CCDC102B: variants seen among roughly 807,000 people sequenced by gnomAD.
CCDC102B encodes coiled-coil domain-containing protein 102B.
CCDC102B carries 75 observed loss-of-function variants against 57.4 expected under a neutral mutation model. The ratio of observed to expected loss-of-function variants is 1.31; its 90% confidence interval spans 1.08 to 1.58. The LOEUF is 1.58. CCDC102B is among the 40% of genes most tolerant of loss of function. The probability of loss-of-function intolerance (pLI) is 0.00; values close to 1 mark genes in which losing one functional copy is unlikely to be tolerated. For missense variants in CCDC102B, 636 were observed against 582.6 expected, an observed-to-expected ratio of 1.09 and a Z score of -0.94; for synonymous variants, 206 against 201.9, an observed-to-expected ratio of 1.02 and a Z score of -0.17.
chr18:68,980,882 G>T (rs1023863939), intron 6 of CCDC102B, among the ~76,000 whole-genome samples: 1 of 152,004 alleles, frequency 6.6e-6, no homozygotes, highest in Non-Finnish European at 1.5e-5. Context: ...GAGATAAAGG[G>T]GGAGTATGGT....
intron 5 of CCDC102B, among the ~76,000 whole-genome samples, chr18:68,886,855 G>A (rs185533052): frequency 2.6e-5 from 4 of 151,576 alleles, no homozygotes; most frequent in Admixed American, 2.6e-4. Context: ...CATTTCAATG[G>A]ACCCCAGCAA....
chr18:69,052,101 C>T (rs1169555562), intron 7 of CCDC102B, among the ~76,000 whole-genome samples: 1 of 150,500 alleles, frequency 6.6e-6, no homozygotes, highest in Admixed American at 6.6e-5. Flanking sequence ...ACTCTTATGA[C>T]CAACAAAGGA....
rs116606961 is a variant in CCDC102B at position 68,802,013 on chromosome 18, A to G, written c.-16+3832A>G. ...ATGAGAAGAAAATGTATTTCACAAT[A>G]AAACATGAAAATTATAAGGTGCTCA... is the stretch of plus-strand genomic sequence containing the variant. On this transcript the variant is annotated intron_variant, in intron 1 of 7. Transcript: ENST00000360242. Among the ~76,000 whole-genome samples, 338 of 152,316 alleles carry G rather than the reference A, an allele frequency of 2.2e-3. 4 individuals are homozygous for G. The highest frequency in any genetic ancestry group is 7.7e-3 in the African/African-American group (321 of 41,570).
chr18:68,980,126 C>T (rs186231201), intron 6 of CCDC102B, among the ~76,000 whole-genome samples: 19 of 151,944 alleles, frequency 1.3e-4, no homozygotes, highest in African/African-American at 4.1e-4. Flanking sequence ...TCTTGCTTCC[C>T]GGTTGTATCT....
intron 6 of CCDC102B, among the ~76,000 whole-genome samples, chr18:68,921,433 A>G (rs1179688406): frequency 2.0e-5 from 3 of 152,206 alleles, no homozygotes; most frequent in South Asian, 2.1e-4. Flanking sequence ...AGTCACTGGA[A>G]CTGTCAGTGT....
chr18:69,034,707 A>C (rs1314702818), intron 7 of CCDC102B, among the ~76,000 whole-genome samples: 2 of 151,396 alleles, frequency 1.3e-5, no homozygotes, highest in Non-Finnish European at 1.5e-5. Flanking sequence ...ATATATGCAT[A>C]TATAATTATT....
intron 5 of CCDC102B, among the ~76,000 whole-genome samples, chr18:68,879,302 C>T (rs1047285810): frequency 2.6e-5 from 4 of 152,050 alleles, no homozygotes; most frequent in Non-Finnish European, 5.9e-5. Flanking sequence ...AGTGTAGACC[C>T]AAAGAGTGAG....
chr18:68,868,265 C>T (rs60895778), intron 4 of CCDC102B, among the ~76,000 whole-genome samples: 52,789 of 151,716 alleles, frequency 0.35, 9,983 homozygotes, highest in East Asian at 0.62. Flanking sequence ...AGCAAGAGAA[C>T]AAAAGACCAC....
intron 7 of CCDC102B, among the ~76,000 whole-genome samples, chr18:69,036,310 T>A (rs2052290417): frequency 6.6e-6 from 1 of 152,072 alleles, no homozygotes; most frequent in Admixed American, 6.6e-5. Flanking sequence ...GCCGAATCCT[T>A]GTTATATTAT....
chr18:68,969,635 A>G (rs759613556), intron 6 of CCDC102B, among the ~76,000 whole-genome samples: 3 of 152,040 alleles, frequency 2.0e-5, no homozygotes, highest in Non-Finnish European at 4.4e-5. Context: ...CATAGTGATA[A>G]AACATATGCC....
chr18:69,014,121 A>G (rs1213748422), intron 7 of CCDC102B, among the ~76,000 whole-genome samples: 1 of 152,168 alleles, frequency 6.6e-6, no homozygotes, highest in Non-Finnish European at 1.5e-5. Context: ...GTGAATATTG[A>G]CCTATGAAAT....
At chr18:68,790,709 A>C (rs947657828) in intron 2 of CCDC102B, among the ~76,000 whole-genome samples, 1 of 152,138 alleles carries the variant, frequency 6.6e-6, no homozygotes, top group African/African-American at 2.4e-5. Context: ...GCGCGCACCC[A>C]CTGACCTGCG....
At chr18:68,889,333 A>G (rs1467880855) in intron 5 of CCDC102B, among the ~76,000 whole-genome samples, 1 of 152,190 alleles carries the variant, frequency 6.6e-6, no homozygotes, top group Admixed American at 6.5e-5. Flanking sequence ...TGAGTCAGAA[A>G]TTAGACCTCT....
At chr18:69,029,890 T>A (rs1013640267) in intron 7 of CCDC102B, among the ~76,000 whole-genome samples, 15 of 152,216 alleles carry the variant, frequency 9.9e-5, no homozygotes, top group African/African-American at 3.6e-4. Flanking sequence ...ATTGGGATTC[T>A]GTTTTAAGGC....
At chr18:68,900,321 G>A (rs1568319475) in intron 6 of CCDC102B, 1 of 152,142 alleles carries the variant, frequency 6.6e-6, no homozygotes, top group East Asian at 1.9e-4. Context: ...TTGAGGAAGA[G>A]AAATGCAGCT....
At chr18:68,731,683 AC>A (rs1437920057) in intron 2 of CCDC102B, among the ~76,000 whole-genome samples, 1 of 150,140 alleles carries the variant, frequency 6.7e-6, no homozygotes, top group African/African-American at 2.4e-5. Flanking sequence ...TATGATATAA[AC>A]AATTTTGTCT....
At chr18:68,815,973 C>T (rs1418746626) in intron 1 of CCDC102B, among the ~76,000 whole-genome samples, 1 of 152,198 alleles carries the variant, frequency 6.6e-6, no homozygotes, top group Non-Finnish European at 1.5e-5. Context: ...ATTTTTCACA[C>T]TCCCATATCT....
At chr18:68,878,864 T>C (rs1019712924) in intron 5 of CCDC102B, among the ~76,000 whole-genome samples, 1 of 152,210 alleles carries the variant, frequency 6.6e-6, no homozygotes, top group Non-Finnish European at 1.5e-5. Flanking sequence ...TGGTGGGTTC[T>C]TGGTCTCACT....
intron 2 of CCDC102B, among the ~76,000 whole-genome samples, chr18:68,776,629 A>T (rs939843681): frequency 5.3e-5 from 8 of 152,096 alleles, no homozygotes; most frequent in Middle Eastern, 3.2e-3. Flanking sequence ...ACACATGAAC[A>T]CAAGGGAACA....
Sources: allele counts gnomAD v4.1 joint callset (sites outside exome capture counted in the v4.1 genomes callset), GRCh38; gene constraint gnomAD v4.1.1; transcripts MANE v1.5; gene names NCBI Gene and HGNC (gene_info 2026-07-23, HGNC 2026-07-21).